The following ANAPC5 variants were observed in gnomAD, a reference collection of about 807,000 sequenced individuals.
ANAPC5 encodes the protein anaphase promoting complex subunit 5.
ANAPC5 carries 60 observed loss-of-function variants against 91.3 expected under a neutral mutation model. The ratio of observed to expected loss-of-function variants is 0.66; its 90% CI spans 0.53 to 0.81. The LOEUF is 0.81. ANAPC5 is among the 40% of genes least tolerant of loss of function. ANAPC5 has a pLI of 0.00. For synonymous variants in ANAPC5, 340 were observed against 364.1 expected, an observed-to-expected ratio of 0.93 and a Z score of 0.75; for missense variants, 690 against 931.5, an observed-to-expected ratio of 0.74 and a Z score of 3.37.
At position 121,327,216 on chromosome 12, in the gene ANAPC5, T is replaced by C. The variant is rs781810218; in HGVS notation, c.1320A>G (p.Gln440=). ...TCATGCTCAGCAACATCTGGGCCTG[T>C]TGCAGTGCCATGGTGCTGGGTGGGG... The part of the protein sequence containing the change: ...RLYGRSTMAL[Q]QAQMLLSMNS... The change falls in exon 11 of 17, where the codon CAA becomes CAG. Residue 440 remains glutamine, a synonymous_variant. Coordinates refer to ENST00000261819, the MANE Select transcript of ANAPC5 (RefSeq NM_016237.5). 8 of 1,613,066 alleles carry C rather than the reference T, an allele frequency of 5.0e-6. No individual in the cohort carries two copies. In the African/African-American group the frequency reaches 1.1e-4, roughly 22 times the overall value.
chr12:121,349,134 T>C (rs1196218059), intron 1 of ANAPC5, among the ~76,000 whole-genome samples: 1 of 152,154 alleles, frequency 6.6e-6, no homozygotes, highest in Non-Finnish European at 1.5e-5. Context: ...CAAGTGATCC[T>C]CCCACGTTGG....
chr12:121,314,861 C>T (rs1475952283), intron 15 of ANAPC5, among the ~76,000 whole-genome samples: 1 of 152,002 alleles, frequency 6.6e-6, no homozygotes, highest in African/African-American at 2.4e-5. Flanking sequence ...GAACTCCTGG[C>T]CTTAAGTAAT....
chr12:121,309,031 C>T (rs1178323797), intron 16 of ANAPC5, among the ~76,000 whole-genome samples: 1 of 151,654 alleles, frequency 6.6e-6, no homozygotes, highest in Admixed American at 6.6e-5. Flanking sequence ...CACCTGTAAT[C>T]CCAGCTACTT....
In ANAPC5 at chr12:121,318,374, A is replaced by G; in HGVS notation, c.1796T>C (p.Ile599Thr). Residue 599 changes from isoleucine (I) to threonine (T), a missense_variant, in exon 15 of 17, where the codon ATC (isoleucine) becomes ACC (threonine). Coordinates refer to ENST00000261819, the MANE Select transcript of ANAPC5 (RefSeq NM_016237.5). ...ELYWRSSSPT[I>T]ALPMLLQALA... is the part of the protein sequence containing the mutation. Reference sequence around the variant, plus strand: ...AGCCTGCAGGAGCATGGGCAGCGCGATGGTAGGGGAGGAAGATCGCCAGTA... The same window carrying G: ...AGCCTGCAGGAGCATGGGCAGCGCGGTGGTAGGGGAGGAAGATCGCCAGTA... 1 of 1,612,376 alleles carries G rather than the reference A, an allele frequency of 6.2e-7. No homozygotes were observed. The highest frequency in any genetic ancestry group is 2.2e-5 in the East Asian group (1 of 44,856).
chr12:121,322,751 G>A (rs1015586276), intron 11 of ANAPC5, among the ~76,000 whole-genome samples: 2 of 152,064 alleles, frequency 1.3e-5, no homozygotes, highest in Admixed American at 6.6e-5. Flanking sequence ...GGCTGGGTGC[G>A]GTAGCTCACG....
chr12:121,310,037 T>C, intron 15 of ANAPC5, 174 bp from the exon 16 acceptor site: 1 of 508,972 alleles, frequency 2.0e-6, no homozygotes. Context: ...TGTGACAATC[T>C]GATTTCAGAC....
Position 121,318,362 on chromosome 12 carries a change from A to T in ANAPC5, c.1808T>A (p.Met603Lys). The T allele has an allele frequency of 6.2e-7, 1 of 1,612,376 alleles. No homozygotes were observed. Among genetic ancestry groups the T allele is most frequent in the Non-Finnish European group, 8.5e-7 (1 of 1,179,176 alleles). ...RSSSPTIALP[M>K]LLQALALSKE... ...GGAGAGGGCCAGAGCCTGCAGGAGC[A>T]TGGGCAGCGCGATGGTAGGGGAGGA... Residue 603 changes from methionine (M) to lysine (K), a missense_variant, in exon 15 of 17, where the codon ATG (methionine) becomes AAG (lysine). Coordinates refer to ENST00000261819, the MANE Select transcript of ANAPC5 (RefSeq NM_016237.5).
In ANAPC5 at chr12:121,308,559, C is replaced by T. The variant is rs200078162; in HGVS notation, c.2189G>A (p.Arg730Lys). 1 of 1,614,142 alleles carries T rather than the reference C, an allele frequency of 6.2e-7. No homozygotes were observed. Among genetic ancestry groups the T allele is most frequent in the Non-Finnish European group, 8.5e-7 (1 of 1,180,020 alleles). The stretch of plus-strand genomic sequence containing the variant: ...CCGGAAGAGCATCGCACACCGGTTC[C>T]TCTCCTGGGTCTTCCCCAGGGTATG... ...LYHTLGKTQERNRCAMLFRQL... is the reference protein window; with the variant it reads ...LYHTLGKTQEKNRCAMLFRQL... Residue 730 changes from arginine (R) to lysine (K), a missense_variant, in exon 17 of 17, where the codon AGG becomes AAG. This residue lies in a region of ANAPC5 where 317 missense variants were observed against 438.7 expected (regional missense o/e 0.72). Transcript: ENST00000261819.
chr12:121,309,317 G>A (rs1163938358), intron 16 of ANAPC5, among the ~76,000 whole-genome samples: 3 of 149,342 alleles, frequency 2.0e-5, no homozygotes, highest in Non-Finnish European at 3.0e-5. Context: ...GGTGGTGTGC[G>A]CCTTTACATA....
chr12:121,350,333 A>G (rs1218203660), intron 1 of ANAPC5, among the ~76,000 whole-genome samples: 1 of 152,202 alleles, frequency 6.6e-6, no homozygotes, highest in African/African-American at 2.4e-5. Flanking sequence ...TTCTGCCATC[A>G]CTGTTACTCA....
chr12:121,314,260 A>G, intron 15 of ANAPC5, among the ~76,000 whole-genome samples: 2 of 152,114 alleles, frequency 1.3e-5, no homozygotes. Context: ...TTACTTGGGC[A>G]TGGTGGTGCA....
chr12:121,347,187 CATT>C (rs1376025880), intron 2 of ANAPC5, 182 bp from the exon 3 acceptor site: 31 of 523,406 alleles, frequency 5.9e-5, no homozygotes, highest in Admixed American at 1.5e-4. Flanking sequence ...TGAAAAGTAT[CATT>C]GTTGTTTTCT....
chr12:121,311,029 CTT>C lies in ANAPC5; in HGVS notation c.1894-1168_1894-1167del, dbSNP rs572132645. Among the ~76,000 whole-genome samples, 940 of 144,890 alleles carry C rather than the reference CTT, an allele frequency of 6.5e-3. 10 individuals carry two copies. Among genetic ancestry groups the C allele is most frequent in the African/African-American group, 0.023 (894 of 39,682 alleles). On this transcript the variant is annotated intron_variant, in intron 15 of 16. Coordinates refer to ENST00000261819, the MANE Select transcript of ANAPC5 (RefSeq NM_016237.5). The stretch of plus-strand genomic sequence containing the variant: ...AAAAGGCAGAAATTGTGAGAACAAA[CTT>C]TTTTTTTTTAAAGTATCCACTGTAT...
At chr12:121,320,600 C>A (rs547487557) in intron 11 of ANAPC5, 141 bp from the exon 12 acceptor site, 40 of 570,628 alleles carry the variant, frequency 7.0e-5, no homozygotes, top group African/African-American at 6.0e-4. Flanking sequence ...ACTCAAATTT[C>A]TTTTCTTTCT....
chr12:121,335,930 TG>T (rs1460869998), intron 6 of ANAPC5, among the ~76,000 whole-genome samples: 15 of 152,184 alleles, frequency 9.9e-5, no homozygotes, highest in African/African-American at 3.6e-4. Flanking sequence ...AAATTAAAAA[TG>T]GGAGTTCCAT....
In ANAPC5 at chr12:121,320,369, G is replaced by A. The variant is rs1902547552; in HGVS notation, c.1515+16C>T. ...TTATCAGAAATAAATCTATTGCCAT[G>A]CAAAAGGCAGATTACCTGGGCGTGC... On this transcript the variant is annotated intron_variant, in intron 12 of 16. Coordinates refer to ENST00000261819, the MANE Select transcript of ANAPC5 (RefSeq NM_016237.5). 5.0e-6 allele frequency: 8 copies of A among 1,610,810 alleles called. No homozygotes were observed. The highest frequency in any genetic ancestry group is 5.9e-6 in the Non-Finnish European group (7 of 1,177,560).
intron 12 of ANAPC5, 103 bp downstream of exon 12, chr12:121,320,282 G>T: frequency 9.0e-7 from 1 of 1,114,392 alleles, no homozygotes. Context: ...TTCCTTTTTA[G>T]CTCAATATTA....
chr12:121,327,170 C>T lies in ANAPC5; in HGVS notation c.1366G>A (p.Ala456Thr), dbSNP rs782709603. 2 of 1,613,576 alleles carry T rather than the reference C, an allele frequency of 1.2e-6. No individual in the cohort carries two copies. Among genetic ancestry groups the T allele is most frequent in the Non-Finnish European group, 1.7e-6 (2 of 1,179,976 alleles). Residue 456 changes from alanine to threonine, a missense_variant, in exon 11 of 17, where the codon GCG becomes ACG. By Grantham distance (58) the Ala-to-Thr change is moderately conservative (BLOSUM62 0). Transcript: ENST00000261819. ...TCTGTGTTGTTCTGCTGCACGCCCGCATTCACCGCCTCCAGGCTGTTCATG... is the reference window on the plus strand; with the variant it reads ...TCTGTGTTGTTCTGCTGCACGCCCGTATTCACCGCCTCCAGGCTGTTCATG... ...LSMNSLEAVN[A>T]GVQQNNTESF...
At chr12:121,352,712 T>TGGTGGTGGTGGTGGTGGTGGTGGTGGTGG (rs1566202325), upstream of ANAPC5, among the ~76,000 whole-genome samples, 6 of 19,850 alleles carry the variant, frequency 3.0e-4, no homozygotes, top group Non-Finnish European at 5.8e-4. Context: ...TTGTTGGTTG[T>TGGTGGTGGTGGTGGTGGTGGTGGTGGTGG]TGTTGTTGGT....
Sources: gnomAD v4.1 joint callset for allele counts (sites outside exome capture counted in the v4.1 genomes callset) on GRCh38, gnomAD v4.1.1 for gene constraint, gnomAD v4.1.1 regional missense constraint, MANE v1.5 for transcripts, NCBI Gene and HGNC (gene_info 2026-07-23, HGNC 2026-07-21) for gene names.